Variants in ME1 observed in about 807,000 individuals in gnomAD.
The protein encoded by ME1 is malic enzyme 1.
In ME1, 74 loss-of-function variants were observed where a neutral mutation model predicts 66.4. The ratio of observed to expected loss-of-function variants is 1.11; its 90% CI spans 0.92 to 1.35. ME1 has a LOEUF of 1.35. Among genes scored for constraint, ME1 ranks in the 40% most tolerant of loss-of-function variants. The pLI is 0.00. For missense variants in ME1, 750 were observed against 694.1 expected (o/e 1.08, Z -0.90); for synonymous variants, 251 against 235.6 (o/e 1.07, Z -0.60).
At chr6:83,317,630 T>G (rs1172494306) in intron 5 of ME1, among the ~76,000 whole-genome samples, 1 of 152,086 alleles carries the variant, frequency 6.6e-6, no homozygotes, top group Non-Finnish European at 1.5e-5. Flanking sequence ...TTTGACTTCC[T>G]CTTTTCCTAA....
chr6:83,216,416 A>G lies in ME1; in HGVS notation c.1548+82T>C, dbSNP rs113693452. ...TTGATACAGATATACATTTCAAGGA[A>G]GCAGATTTTTAATATTTAAAAATGC... is the stretch of plus-strand genomic sequence containing the variant. On this transcript the variant is annotated intron_variant, in intron 13 of 13. Transcript: ENST00000369705. 457 of 970,754 alleles carry G rather than the reference A, an allele frequency of 4.7e-4. 6 individuals are homozygous for G. In the African/African-American group the frequency reaches 6.3e-3, roughly 13 times the overall value. The allele number at this position is 970,754 out of a possible 1,614,324, so 60.1% of individuals were successfully genotyped here.
chr6:83,360,844 A>T (rs1768995515), intron 3 of ME1, among the ~76,000 whole-genome samples: 1 of 152,236 alleles, frequency 6.6e-6, no homozygotes. Flanking sequence ...CTGTACCTGT[A>T]CCAGATGTGG....
At chr6:83,220,255 C>A (rs1790066203) in intron 12 of ME1, among the ~76,000 whole-genome samples, 1 of 152,122 alleles carries the variant, frequency 6.6e-6, no homozygotes, top group Non-Finnish European at 1.5e-5. Flanking sequence ...GTCCTCTGAG[C>A]AGATATCAGA....
At chr6:83,358,609 T>C (rs1583399617) in intron 3 of ME1, among the ~76,000 whole-genome samples, 2 of 152,144 alleles carry the variant, frequency 1.3e-5, no homozygotes. Context: ...AGGGCATCGA[T>C]TAGAAAAGAA....
At chr6:83,248,741 G>T (rs978354689) in intron 7 of ME1, among the ~76,000 whole-genome samples, 2 of 152,100 alleles carry the variant, frequency 1.3e-5, no homozygotes, top group African/African-American at 4.8e-5. Flanking sequence ...CTTCCTCTTT[G>T]CCTTCTACGA....
chr6:83,259,849 T>C (rs904487353), intron 6 of ME1, among the ~76,000 whole-genome samples: 2 of 152,184 alleles, frequency 1.3e-5, no homozygotes, highest in African/African-American at 4.8e-5. Context: ...TTTGTGACAG[T>C]AGAAATGATG....
At position 83,222,828 on chromosome 6, in the gene ME1, A is replaced by G. The variant is rs114247769; in HGVS notation, c.1449+932T>C. The stretch of plus-strand genomic sequence containing the variant: ...CTTGTTAGCTTGCAAGTAGAGTAAA[A>G]TCTCAGATCTTTCACAGTTTCATGA... On this transcript the variant is annotated intron_variant, in intron 12 of 13. Transcript: ENST00000369705. Among the ~76,000 whole-genome samples the G allele has an allele frequency of 6.9e-3, 1,045 of 152,264 alleles. 16 individuals carry two copies. The highest frequency in any genetic ancestry group is 0.023 in the African/African-American group (951 of 41,532).
At chr6:83,246,838 G>A (rs1790633031) in intron 7 of ME1, among the ~76,000 whole-genome samples, 1 of 152,106 alleles carries the variant, frequency 6.6e-6, no homozygotes, top group Admixed American at 6.6e-5. Flanking sequence ...ATGGATGCGA[G>A]TGCTCATTTT....
At chr6:83,408,762 T>C (rs1769992828) in intron 1 of ME1, among the ~76,000 whole-genome samples, 1 of 152,168 alleles carries the variant, frequency 6.6e-6, no homozygotes, top group African/African-American at 2.4e-5. Flanking sequence ...AATGATGTGG[T>C]AGATTGGGAT....
At chr6:83,373,821 C>T (rs1168576879) in intron 3 of ME1, among the ~76,000 whole-genome samples, 1 of 152,106 alleles carries the variant, frequency 6.6e-6, no homozygotes, top group Admixed American at 6.6e-5. Context: ...CATGTGTTCT[C>T]ATTGTTCAAC....
intron 6 of ME1, among the ~76,000 whole-genome samples, chr6:83,263,825 T>TAACAA (rs1562463374): frequency 2.1e-5 from 1 of 47,168 alleles, no homozygotes; most frequent in African/African-American, 1.0e-4. Context: ...TAACATAACA[T>TAACAA]AACATAACAT....
chr6:83,298,461 ATTAGACC>A (rs1767643485), intron 6 of ME1, among the ~76,000 whole-genome samples: 1 of 152,172 alleles, frequency 6.6e-6, no homozygotes, highest in Admixed American at 6.5e-5. Flanking sequence ...GATGTTGGAT[ATTAGACC>A]TTTCTCAGAT....
Position 83,223,898 on chromosome 6 carries a change from A to G in ME1, c.1311T>C (p.Asp437=), listed in dbSNP as rs1790138653. The change falls in exon 12 of 14, where the codon GAT becomes GAC. Residue 437 remains aspartate, a synonymous_variant. Transcript: ENST00000369705. ...TCTGTCCATTTGGAAGAGTGACTGG[A>G]TCAAAAGGACTGCCACTGGCAAAAA... ...RAIFASGSPF[D]PVTLPNGQTL... is the part of the protein sequence containing the mutation. The G allele has an allele frequency of 6.2e-7, 1 of 1,613,940 alleles. No homozygotes were observed. Among genetic ancestry groups the G allele is most frequent in the Non-Finnish European group, 8.5e-7 (1 of 1,179,984 alleles).
At chr6:83,264,304 A>G (rs1766949067) in intron 6 of ME1, among the ~76,000 whole-genome samples, 1 of 152,174 alleles carries the variant, frequency 6.6e-6, no homozygotes, top group African/African-American at 2.4e-5. Context: ...CTTATTGGCA[A>G]TGCACCTAGT....
chr6:83,282,197 G>A (rs1314438615), intron 6 of ME1, among the ~76,000 whole-genome samples: 6 of 152,118 alleles, frequency 3.9e-5, no homozygotes, highest in Non-Finnish European at 8.8e-5. Flanking sequence ...TCAGGACACA[G>A]GCATAGGCAA....
At chr6:83,365,636 G>C (rs1769089280) in intron 3 of ME1, among the ~76,000 whole-genome samples, 1 of 152,178 alleles carries the variant, frequency 6.6e-6, no homozygotes, top group Non-Finnish European at 1.5e-5. Flanking sequence ...AAAATGGGAG[G>C]ATCACTTGAG....
At chr6:83,360,035 T>C (rs2128545747) in intron 3 of ME1, among the ~76,000 whole-genome samples, 1 of 151,940 alleles carries the variant, frequency 6.6e-6, no homozygotes, top group South Asian at 2.1e-4. Flanking sequence ...ACCTACTGCG[T>C]TCCTACTTAA....
In ME1 at chr6:83,385,953, A is replaced by C. The variant is rs1769496248; in HGVS notation, c.362+12414T>G. Among the ~76,000 whole-genome samples, 2 of 151,914 alleles carry C rather than the reference A, an allele frequency of 1.3e-5. 1 individual carries two copies. The highest frequency in any genetic ancestry group is 4.8e-5 in the African/African-American group (2 of 41,268). On this transcript the variant is annotated intron_variant, in intron 3 of 13. Transcript: ENST00000369705. ...AAAAATCCACTTTTAATAAATAATT[A>C]TCTTTAACTACAAAATCAACTGAGG... is the stretch of plus-strand genomic sequence containing the variant.
intron 3 of ME1, among the ~76,000 whole-genome samples, chr6:83,361,992 C>T (rs12697920): frequency 0.33 from 50,715 of 152,060 alleles, 8,843 homozygotes; most frequent in Middle Eastern, 0.5. Flanking sequence ...CTATGATCAG[C>T]TGACAAAGGA....
Sources: allele counts gnomAD v4.1 joint callset (sites outside exome capture counted in the v4.1 genomes callset), GRCh38; gene constraint gnomAD v4.1.1; transcripts MANE v1.5; gene names NCBI Gene and HGNC (gene_info 2026-07-23, HGNC 2026-07-21).